AGAP9: variants seen among roughly 807,000 people sequenced by gnomAD.
The protein encoded by AGAP9 is arf-GAP with GTPase, ANK repeat and PH domain-containing protein 9.
In AGAP9, 23 loss-of-function variants were observed where a neutral mutation model predicts 55.6. The observed-to-expected ratio is 0.41, with a 90% CI of 0.30 to 0.59. The LOEUF (loss-of-function observed/expected upper bound fraction) is 0.59. Among genes scored for constraint, AGAP9 ranks in the 20% least tolerant of loss-of-function variants. AGAP9 has a pLI of 0.25. For missense variants in AGAP9, 309 were observed against 808.1 expected (o/e 0.38, Z 7.49); for synonymous variants, 120 against 305.0 (o/e 0.39, Z 6.32).
intron 4 of AGAP9, among the ~76,000 whole-genome samples, chr10:47,511,101 G>C (rs1555225389): frequency 7.9e-6 from 1 of 126,860 alleles, no homozygotes; most frequent in Non-Finnish European, 1.6e-5. Context: ...CCACCACCAT[G>C]CCCGGCTAAC....
chr10:47,513,689 A>T (rs1296147661), intron 4 of AGAP9, among the ~76,000 whole-genome samples: 1 of 140,330 alleles, frequency 7.1e-6, no homozygotes, highest in African/African-American at 2.6e-5. Flanking sequence ...AAAAATAGGC[A>T]CATACACCAA....
Position 47,502,426 on chromosome 10 carries a change from C to A in AGAP9, c.1703G>T (p.Arg568Leu). Residue 568 changes from arginine (R) to leucine (L), a missense_variant, in exon 8 of 8, where the codon CGT becomes CTT. Physicochemically the swap from Arg to Leu is moderately radical, Grantham distance 102 (BLOSUM62 -2). Transcript: ENST00000452145. ...AAAGAGCTTCTCCTCATATTTGGAA[C>A]GGATCCACCATTCCTTCTCTTCCCT... ...STREEKEWWI[R>L]SKYEEKLFLA... 1 of 1,605,960 alleles carries A rather than the reference C, an allele frequency of 6.2e-7. No individual in the cohort carries two copies. Among genetic ancestry groups the A allele is most frequent in the Non-Finnish European group, 8.5e-7 (1 of 1,178,358 alleles).
intron 4 of AGAP9, among the ~76,000 whole-genome samples, chr10:47,516,870 A>AAGCAAACAG (rs1840726751): frequency 8.1e-6 from 1 of 123,824 alleles, no homozygotes; most frequent in South Asian, 2.4e-4. Context: ...ATGGATGTGA[A>AAGCAAACAG]AGCAAACAGA....
rs1197649791 is a variant in AGAP9, at chr10:47,506,372, C to T, written c.533+1176G>A. 3.3e-4 allele frequency among the ~76,000 whole-genome samples: 46 copies of T among 139,796 alleles called. 4 individuals carry two copies. In the Middle Eastern group the frequency reaches 0.018, roughly 55 times the overall value. 91.7% of individuals were successfully genotyped at this position (139,796 alleles called of 152,430 possible). On this transcript the variant is annotated intron_variant, in intron 6 of 7. Transcript: ENST00000452145. ...TTGAGACAGAGTCTCTCTCTGTCAC[C>T]CAGGCTGGGGTGCAATGGCAAGATC...
At chr10:47,503,937 C>CAAAAAAAAAAAAAAA (rs1186798630) in intron 7 of AGAP9, among the ~76,000 whole-genome samples, 3 of 23,444 alleles carry the variant, frequency 1.3e-4, no homozygotes, top group South Asian at 1.7e-3. Flanking sequence ...GAGAGTCCAT[C>CAAAAAAAAAAAAAAA]AAAAAAAAAA....
At chr10:47,509,664 G>A (rs1425461643) in intron 5 of AGAP9, among the ~76,000 whole-genome samples, 1 of 135,112 alleles carries the variant, frequency 7.4e-6, no homozygotes, top group Non-Finnish European at 1.6e-5. Flanking sequence ...TGGTGGTGGT[G>A]TTGGTTGTTG....
At chr10:47,513,412 C>A (rs1423245842) in intron 4 of AGAP9, among the ~76,000 whole-genome samples, 1 of 142,044 alleles carries the variant, frequency 7.0e-6, no homozygotes, top group Non-Finnish European at 1.5e-5. Context: ...TGGAAAGACA[C>A]CCATGCTCAT....
At position 47,506,703 on chromosome 10, in the gene AGAP9, G is replaced by C. The variant is rs4013568; in HGVS notation, c.533+845C>G. Among the ~76,000 whole-genome samples the C allele has an allele frequency of 6.7e-3, 848 of 126,832 alleles. 20 individuals are homozygous for C. Among genetic ancestry groups the C allele is most frequent in the African/African-American group, 0.015 (517 of 34,812 alleles). The allele number at this position is 126,832 out of a possible 152,430, so 83.2% of individuals were successfully genotyped here. A position where few individuals can be genotyped will look rare whatever the true frequency, so the allele number is the denominator to read the frequency against. ...CACCCAGGCTGCAGTGCAATGGCACGATCTCAGCTCTCTGCAACCTCCGCC... is the reference window on the plus strand; with the variant it reads ...CACCCAGGCTGCAGTGCAATGGCACCATCTCAGCTCTCTGCAACCTCCGCC... On this transcript the variant is annotated intron_variant, in intron 6 of 7. Coordinates refer to ENST00000452145, the MANE Select transcript of AGAP9 (RefSeq NM_001190810.1).
At position 47,511,231 on chromosome 10, in the gene AGAP9, C is replaced by T. The variant is rs1206947570; in HGVS notation, c.397-960G>A. ...GTACTGGGATTACAGGCGTGAGCCACGGCGCCCAGTCCTTCTATTATTTAT... is the reference window on the plus strand; with the variant it reads ...GTACTGGGATTACAGGCGTGAGCCATGGCGCCCAGTCCTTCTATTATTTAT... On this transcript the variant is annotated intron_variant, in intron 4 of 7. Transcript: ENST00000452145. 6.4e-5 allele frequency among the ~76,000 whole-genome samples: 9 copies of T among 141,502 alleles called. 3 individuals carry two copies. The highest frequency in any genetic ancestry group is 5.7e-4 in the East Asian group (2 of 3,520). The allele number at this position is 141,502 out of a possible 152,430, so 92.8% of individuals were successfully genotyped here. A position where few individuals can be genotyped will look rare whatever the true frequency, so the allele number is the denominator to read the frequency against.
Position 47,502,962 on chromosome 10 carries a change from G to C in AGAP9, c.1167C>G (p.Leu389=), listed in dbSNP as rs1840386444. 1.6e-5 allele frequency: 26 copies of C among 1,584,734 alleles called. 5 individuals are homozygous for C. Among genetic ancestry groups the C allele is most frequent in the Non-Finnish European group, 2.2e-5 (26 of 1,166,646 alleles). Residue 389 remains leucine (L), a synonymous_variant, in exon 8 of 8, where the codon CTC becomes CTG. Coordinates refer to ENST00000452145, the MANE Select transcript of AGAP9 (RefSeq NM_001190810.1). ...TGGCATGAGGAGAGGGGGGCGGGTT[G>C]AGCTTGGGGCTGGTGGTGCTGGAGA... ...PGISSTTSPK[L]NPPPSPHANK... is the part of the protein sequence containing the mutation.
chr10:47,506,716 T>A (rs1298031675), intron 6 of AGAP9, among the ~76,000 whole-genome samples: 1 of 144,446 alleles, frequency 6.9e-6, no homozygotes, highest in South Asian at 2.2e-4. Context: ...CTCAGCTCTC[T>A]GCAACCTCCG....
At chr10:47,514,183 A>G (rs1218458871) in intron 4 of AGAP9, among the ~76,000 whole-genome samples, 3 of 145,854 alleles carry the variant, frequency 2.1e-5, no homozygotes, top group Admixed American at 6.8e-5. Flanking sequence ...TACAATTACA[A>G]AAATATGGAA....
chr10:47,507,484 A>C, intron 6 of AGAP9, 64 bp downstream of exon 6: 1 of 1,481,150 alleles, frequency 6.8e-7, no homozygotes, highest in Non-Finnish European at 9.0e-7. Flanking sequence ...GTGACCTAAC[A>C]CTGAGCTTGA....
intron 2 of AGAP9, among the ~76,000 whole-genome samples, chr10:47,520,886 G>T (rs1840813555): frequency 7.8e-6 from 1 of 128,308 alleles, no homozygotes; most frequent in African/African-American, 3.4e-5. Context: ...TTTTGGCTTT[G>T]AGTTGTGTAA....
Position 47,501,972 on chromosome 10 carries a change from T to G in AGAP9, c.*180A>C. 1 of 1,173,036 alleles carries G rather than the reference T, an allele frequency of 8.5e-7. No individual in the cohort carries two copies. The highest frequency in any genetic ancestry group is 1.2e-6 in the Non-Finnish European group (1 of 837,770). 72.7% of individuals were successfully genotyped at this position (1,173,036 alleles called of 1,614,324 possible). A position where few individuals can be genotyped will look rare whatever the true frequency, so the allele number is the denominator to read the frequency against. Reference sequence around the variant, plus strand: ...AGTTTACGAAAAGTACTGAAAATGCTATTACTAGCTGAATTTGTGATTTCC... The same window carrying G: ...AGTTTACGAAAAGTACTGAAAATGCGATTACTAGCTGAATTTGTGATTTCC... On this transcript the variant is annotated 3_prime_UTR_variant, in exon 8 of 8. Transcript: ENST00000452145.
rs1453993099 is a variant in AGAP9, at chr10:47,502,432, C to T, written c.1697G>A (p.Trp566Ter). The change falls in exon 8 of 8, where the codon TGG (tryptophan) becomes TAG (stop). Residue 566 changes from tryptophan (W) to a stop codon, truncating the protein, a stop_gained. Transcript: ENST00000452145. LOFTEE classifies it high-confidence loss of function. ...IKSTREEKEW[W>*]IRSKYEEKLF... ...CTTCTCCTCATATTTGGAACGGATC[C>T]ACCATTCCTTCTCTTCCCTCGTGGA... 7.4e-6 allele frequency: 12 copies of T among 1,611,310 alleles called. No homozygotes were observed. The highest frequency in any genetic ancestry group is 1.1e-5 in the South Asian group (1 of 90,972).
At chr10:47,503,934 C>A (rs1275903288) in intron 7 of AGAP9, among the ~76,000 whole-genome samples, 1 of 25,912 alleles carries the variant, frequency 3.9e-5, no homozygotes. Context: ...AAAGAGAGTC[C>A]ATCAAAAAAA....
rs1352061022 is a variant in AGAP9 at position 47,502,637 on chromosome 10, T to A, written c.1492A>T (p.Met498Leu). 27 of 1,607,522 alleles carry A rather than the reference T, an allele frequency of 1.7e-5. 1 individual carries two copies. The Admixed American group carries it at 4.0e-4, about 24-fold the overall frequency. ...TGGATACCTGAGCATTCAATACACATGAGGACTCCCAAGTTCAAACTGGCC... is the reference window on the plus strand; with the variant it reads ...TGGATACCTGAGCATTCAATACACAAGAGGACTCCCAAGTTCAAACTGGCC... Reference protein sequence around the residue: ...KWASLNLGVLMCIECSGIHRS... With the variant: ...KWASLNLGVLLCIECSGIHRS... Residue 498 changes from methionine to leucine, a missense_variant, in exon 8 of 8, where the codon ATG becomes TTG. By Grantham distance (15) the Met-to-Leu change is conservative. Coordinates refer to ENST00000452145, the MANE Select transcript of AGAP9 (RefSeq NM_001190810.1).
chr10:47,502,229 T>C lies in AGAP9; in HGVS notation c.1900A>G (p.Lys634Glu). 5 of 1,578,294 alleles carry C rather than the reference T, an allele frequency of 3.2e-6. No individual in the cohort carries two copies. Among genetic ancestry groups the C allele is most frequent in the Non-Finnish European group, 3.4e-6 (4 of 1,167,208 alleles). ...AGCTGCTCCAGGACCACATTCCCCT[T>C]GCGGCAGGCCAGATGGAGTGCCGTG... is the stretch of plus-strand genomic sequence containing the variant. ...GCTALHLACRKGNVVLEQLLT... is the reference protein window; with the variant it reads ...GCTALHLACREGNVVLEQLLT... The change falls in exon 8 of 8, where the codon AAG becomes GAG. Residue 634 changes from lysine (K) to glutamate (E), a missense_variant. Lys to Glu is a moderately conservative substitution (Grantham distance 56). Transcript: ENST00000452145.
Sources: gnomAD v4.1 joint callset for allele counts (sites outside exome capture counted in the v4.1 genomes callset) on GRCh38, gnomAD v4.1.1 for gene constraint, MANE v1.5 for transcripts, NCBI Gene and HGNC (gene_info 2026-07-23, HGNC 2026-07-21) for gene names.